PDE4A: variants seen among roughly 807,000 people sequenced by gnomAD.
PDE4A encodes 3',5'-cyclic-AMP phosphodiesterase 4A.
Under a neutral mutation model 73.9 loss-of-function variants are expected in PDE4A, and 21 were observed. The ratio of observed to expected loss-of-function variants is 0.28; its 90% CI spans 0.20 to 0.41. PDE4A has a LOEUF of 0.41. PDE4A is among the 10% of genes least tolerant of loss of function. The pLI is 1.00. For missense variants in PDE4A, 958 were observed against 1,211.4 expected (o/e 0.79, Z 3.10); for synonymous variants, 463 against 505.4 (o/e 0.92, Z 1.13).
At chr19:10,417,591 G>T, upstream of PDE4A, 1 of 1,506,896 alleles carries the variant, frequency 6.6e-7, no homozygotes, top group Non-Finnish European at 8.9e-7. Flanking sequence ...AGGTAGGGGT[G>T]TTCTTGGGGA....
At position 10,426,598 on chromosome 19, in the gene PDE4A, C is replaced by T. The variant is rs577679520; in HGVS notation, c.320+5514C>T. On this transcript the variant is annotated intron_variant, in intron 1 of 14. Coordinates refer to ENST00000380702, the MANE Select transcript of PDE4A (RefSeq NM_001111307.2). ...GAAATAGCAAGTAAAGGGCTGGGTG[C>T]GGTGGCTCAGGCCTGTAATCCCAGC... Among the ~76,000 whole-genome samples the T allele has an allele frequency of 1.1e-3, 173 of 152,070 alleles. 1 individual carries two copies. Among genetic ancestry groups the T allele is most frequent in the African/African-American group, 4.1e-3 (170 of 41,482 alleles).
At position 10,442,659 on chromosome 19, in the gene PDE4A, G is replaced by A. The variant is rs138611375; in HGVS notation, c.321-3559G>A. 7.5e-3 allele frequency among the ~76,000 whole-genome samples: 1,127 copies of A among 150,586 alleles called. 13 individuals are homozygous for A. Among genetic ancestry groups the A allele is most frequent in the African/African-American group, 0.025 (996 of 40,292 alleles). ...GCCCAGGAGTTACAGACTATCCTGG[G>A]CAACATATTACTATTACTATTATTA... On this transcript the variant is annotated intron_variant, in intron 1 of 14. Coordinates refer to ENST00000380702, the MANE Select transcript of PDE4A (RefSeq NM_001111307.2).
At chr19:10,428,900 G>T in intron 1 of PDE4A, 2 of 984,228 alleles carry the variant, frequency 2.0e-6, no homozygotes, top group Non-Finnish European at 2.4e-6. Context: ...CCAGGAATTC[G>T]AGACCAACCT....
At chr19:10,456,887 C>T (rs2145565800) in intron 7 of PDE4A, among the ~76,000 whole-genome samples, 1 of 152,178 alleles carries the variant, frequency 6.6e-6, no homozygotes, top group South Asian at 2.1e-4. Context: ...ATTCGGGAAC[C>T]GCCCAGACAA....
At chr19:10,454,953 G>T (rs556190987) in intron 7 of PDE4A, 31 bp downstream of exon 7, 2 of 1,611,612 alleles carry the variant, frequency 1.2e-6, no homozygotes, top group Admixed American at 3.3e-5. Flanking sequence ...GGGATTGGAG[G>T]GGGGACATTT....
In PDE4A at chr19:10,420,770, A is replaced by G; in HGVS notation, c.6A>G (p.Glu2=). M[E]PPTVPSERSL... is the part of the protein sequence containing the mutation. ...CGCAAGTGGGGGCCGGCGCCATGGA[A>G]CCCCCGACCGTCCCCTCGGAAAGGA... Residue 2 remains glutamate, a synonymous_variant, in exon 1 of 15, where the codon GAA becomes GAG. Coordinates refer to ENST00000380702, the MANE Select transcript of PDE4A (RefSeq NM_001111307.2). This position sits in a 1 kb window ranked among gnomAD's most constrained non-coding sequence, Gnocchi z 6.0. The G allele has an allele frequency of 6.4e-7, 1 of 1,565,278 alleles. No individual in the cohort carries two copies. The highest frequency in any genetic ancestry group is 1.2e-5 in the South Asian group (1 of 86,688).
At chr19:10,428,966 A>G (rs1299515693) in intron 1 of PDE4A, 7 of 725,612 alleles carry the variant, frequency 9.6e-6, no homozygotes, top group Non-Finnish European at 1.2e-5. Context: ...TTTGCCAGGT[A>G]TTGTGGCACA....
intron 1 of PDE4A, among the ~76,000 whole-genome samples, chr19:10,443,760 A>C (rs1341055780): frequency 6.6e-6 from 1 of 151,412 alleles, no homozygotes; most frequent in Non-Finnish European, 1.5e-5. Flanking sequence ...TAATCCCAGC[A>C]CTTTGGGAGG....
intron 1 of PDE4A, among the ~76,000 whole-genome samples, chr19:10,438,062 G>A (rs1414209637): frequency 6.6e-6 from 1 of 151,206 alleles, no homozygotes; most frequent in Non-Finnish European, 1.5e-5. Flanking sequence ...TCCCGCGTGG[G>A]CCTCCCAAAG....
upstream of PDE4A, chr19:10,417,319 A>G: frequency 1.0e-6 from 1 of 985,272 alleles, no homozygotes; most frequent in Non-Finnish European, 1.2e-6. Flanking sequence ...ATTAAGACCA[A>G]GAGGGGCCCT....
chr19:10,453,408 G>A lies in PDE4A; in HGVS notation c.784-1421G>A, dbSNP rs909172175. 6.7e-6 allele frequency: 10 copies of A among 1,497,652 alleles called. No individual in the cohort carries two copies. The African/African-American group carries it at 1.4e-4, about 21-fold the overall frequency. The allele number at this position is 1,497,652 out of a possible 1,614,324, so 92.8% of individuals were successfully genotyped here. On this transcript the variant is annotated intron_variant, in intron 6 of 14. Coordinates refer to ENST00000380702, the MANE Select transcript of PDE4A (RefSeq NM_001111307.2). The surrounding 1 kb of genome is among the most constrained non-coding windows in gnomAD (Gnocchi z 4.6). The stretch of plus-strand genomic sequence containing the variant: ...GGTGTGGGCTTGTGTGTGCAGCTGT[G>A]CACGTGTGTGGCCTGGAGATGAAGC...
chr19:10,429,628 A>G (rs1293997929), intron 1 of PDE4A, among the ~76,000 whole-genome samples: 1 of 152,160 alleles, frequency 6.6e-6, no homozygotes, highest in African/African-American at 2.4e-5. Flanking sequence ...ATGAGCCACC[A>G]CACCTGCCTT....
At chr19:10,460,359 C>G (rs1243752078) in intron 10 of PDE4A, among the ~76,000 whole-genome samples, 1 of 151,786 alleles carries the variant, frequency 6.6e-6, no homozygotes, top group African/African-American at 2.4e-5. Flanking sequence ...ATTAGCCGGG[C>G]GTGGTGGGGC....
intron 1 of PDE4A, among the ~76,000 whole-genome samples, chr19:10,442,748 C>T (rs1055615791): frequency 2.0e-5 from 3 of 148,956 alleles, no homozygotes; most frequent in Admixed American, 1.4e-4. Context: ...TACCTTATTA[C>T]TATTATTACA....
At chr19:10,433,372 C>T (rs1469418489) in intron 1 of PDE4A, among the ~76,000 whole-genome samples, 2 of 152,054 alleles carry the variant, frequency 1.3e-5, no homozygotes, top group Non-Finnish European at 1.5e-5. Flanking sequence ...TTTGGTGAGA[C>T]ACATTCTCAC....
chr19:10,466,436 C>G (rs2043371870), intron 14 of PDE4A, among the ~76,000 whole-genome samples: 1 of 115,200 alleles, frequency 8.7e-6, no homozygotes, highest in Non-Finnish European at 1.8e-5. Flanking sequence ...CAGAGCAAGA[C>G]TCCGTCTCAA....
chr19:10,431,894 G>C, intron 1 of PDE4A, among the ~76,000 whole-genome samples: 1 of 152,044 alleles, frequency 6.6e-6, no homozygotes, highest in East Asian at 1.9e-4. Flanking sequence ...TGCGTCCTGC[G>C]TCTCTGTCTC....
rs769312260 is a variant in PDE4A, at chr19:10,453,269, C to T, written c.784-1560C>T. 1.9e-6 allele frequency: 3 copies of T among 1,612,978 alleles called. No homozygotes were observed. Among genetic ancestry groups the T allele is most frequent in the African/African-American group, 2.7e-5 (2 of 74,902 alleles). Reference sequence around the variant, plus strand: ...AGGCGGGCTAAGTCTCCAAGATGCCCTTGGTGGATTTCTTCTGCGAGACCT... The same window carrying T: ...AGGCGGGCTAAGTCTCCAAGATGCCTTTGGTGGATTTCTTCTGCGAGACCT... On this transcript the variant is annotated intron_variant, in intron 6 of 14. Transcript: ENST00000380702. This position sits in a 1 kb window ranked among gnomAD's most constrained non-coding sequence, Gnocchi z 4.6.
At chr19:10,421,175 C>A in intron 1 of PDE4A, 91 bp downstream of exon 1, 2 of 1,333,634 alleles carry the variant, frequency 1.5e-6, no homozygotes, top group South Asian at 2.0e-5. Flanking sequence ...CGCTAGGATG[C>A]GGGTGGGGTC....
Sources: gnomAD v4.1 joint callset for allele counts (sites outside exome capture counted in the v4.1 genomes callset) on GRCh38, gnomAD v4.1.1 for gene constraint, Gnocchi (gnomAD v3.1) non-coding constraint, MANE v1.5 for transcripts, NCBI Gene and HGNC (gene_info 2026-07-23, HGNC 2026-07-21) for gene names.